TMEM117: variants seen among roughly 807,000 people sequenced by gnomAD.
TMEM117 encodes transmembrane protein 117.
A neutral mutation model predicts 52.4 loss-of-function variants in TMEM117; 27 were observed. The observed-to-expected ratio is 0.51, with a 90% confidence interval of 0.38 to 0.71. TMEM117 has a LOEUF of 0.71. Among genes scored for constraint, TMEM117 ranks in the 30% least tolerant of loss-of-function variants. The pLI, the probability that TMEM117 is intolerant of heterozygous loss-of-function variation, is 0.00. For missense variants in TMEM117, 556 were observed against 630.5 expected (o/e 0.88, Z 1.26); for synonymous variants, 215 against 206.3 (o/e 1.04, Z -0.36).
intron 3 of TMEM117, among the ~76,000 whole-genome samples, chr12:44,038,577 C>T (rs1183379955): frequency 6.6e-6 from 1 of 152,212 alleles, no homozygotes; most frequent in Non-Finnish European, 1.5e-5. Context: ...GTGAGCTGAG[C>T]ACAGTCTGCC....
chr12:44,318,559 G>T (rs927754219), intron 6 of TMEM117, among the ~76,000 whole-genome samples: 1 of 152,146 alleles, frequency 6.6e-6, no homozygotes, highest in African/African-American at 2.4e-5. Context: ...GCATGAAGTG[G>T]AGAGAATCCT....
intron 3 of TMEM117, among the ~76,000 whole-genome samples, chr12:44,014,305 C>T (rs1228203898): frequency 1.3e-5 from 2 of 151,988 alleles, no homozygotes; most frequent in African/African-American, 4.8e-5. Context: ...CCTCAGCAGA[C>T]CTGATGAGGC....
intron 3 of TMEM117, among the ~76,000 whole-genome samples, chr12:44,069,834 T>C (rs147650914): frequency 0.022 from 3,335 of 152,336 alleles, 93 homozygotes; most frequent in African/African-American, 0.062. Flanking sequence ...CTGAAATTGA[T>C]TCAGCCTTTC....
At chr12:43,955,257 ACTC>A (rs1945288790) in intron 3 of TMEM117, among the ~76,000 whole-genome samples, 1 of 152,168 alleles carries the variant, frequency 6.6e-6, no homozygotes, top group Non-Finnish European at 1.5e-5. Flanking sequence ...CTGTCTCACT[ACTC>A]CTATTCAACA....
intron 5 of TMEM117, among the ~76,000 whole-genome samples, chr12:44,241,201 C>T (rs1335454301): frequency 6.6e-6 from 1 of 151,202 alleles, no homozygotes; most frequent in Non-Finnish European, 1.5e-5. Context: ...TTTAGATGTA[C>T]TATTTTTTAT....
chr12:43,898,125 A>G (rs906520549), intron 2 of TMEM117, among the ~76,000 whole-genome samples: 4 of 151,922 alleles, frequency 2.6e-5, no homozygotes, highest in Non-Finnish European at 5.9e-5. Context: ...ACTTATTGGC[A>G]TCTGAAACTT....
intron 3 of TMEM117, among the ~76,000 whole-genome samples, chr12:44,101,006 C>T (rs551276399): frequency 1.3e-4 from 19 of 151,874 alleles, no homozygotes; most frequent in Non-Finnish European, 2.5e-4. Flanking sequence ...CCTGCAGATT[C>T]GGTGCCTGTT....
intron 2 of TMEM117, among the ~76,000 whole-genome samples, chr12:43,904,486 C>G (rs1223299807): frequency 6.6e-6 from 1 of 152,076 alleles, no homozygotes; most frequent in African/African-American, 2.4e-5. Context: ...TCATCAGGCC[C>G]TTTCACAAAG....
At chr12:44,009,085 C>T in intron 3 of TMEM117, 1 of 358,504 alleles carries the variant, frequency 2.8e-6, no homozygotes, top group Non-Finnish European at 5.4e-6. Context: ...TGGTGTTTCC[C>T]ATGAAGACAC....
At chr12:44,164,485 C>A (rs1405599833) in intron 4 of TMEM117, among the ~76,000 whole-genome samples, 1 of 152,138 alleles carries the variant, frequency 6.6e-6, no homozygotes, top group East Asian at 1.9e-4. Flanking sequence ...TGAGTTACTT[C>A]ACTTAGTTTA....
intron 3 of TMEM117, among the ~76,000 whole-genome samples, chr12:43,955,971 A>G (rs1945299578): frequency 6.6e-6 from 1 of 152,158 alleles, no homozygotes; most frequent in South Asian, 2.1e-4. Context: ...AGAATAGAGA[A>G]CTCAGAAATA....
intron 3 of TMEM117, among the ~76,000 whole-genome samples, chr12:44,125,556 T>G (rs1948311155): frequency 6.6e-6 from 1 of 152,196 alleles, no homozygotes; most frequent in East Asian, 1.9e-4. Context: ...GGGTCAGTGG[T>G]GACATTCCCC....
At chr12:44,044,980 A>T (rs780700302) in intron 3 of TMEM117, among the ~76,000 whole-genome samples, 24 of 152,352 alleles carry the variant, frequency 1.6e-4, no homozygotes, top group African/African-American at 5.8e-4. Flanking sequence ...GGGAAGAGAT[A>T]TGTGGATGGA....
At chr12:44,344,413 T>G (rs1316940441) in intron 6 of TMEM117, among the ~76,000 whole-genome samples, 1 of 152,124 alleles carries the variant, frequency 6.6e-6, no homozygotes, top group Non-Finnish European at 1.5e-5. Flanking sequence ...TCTTCATATT[T>G]GTAATACCTT....
At chr12:44,348,863 A>G (rs1951525937) in intron 6 of TMEM117, among the ~76,000 whole-genome samples, 1 of 151,942 alleles carries the variant, frequency 6.6e-6, no homozygotes. Context: ...GTTTTTCTTA[A>G]CAGGTCTTAT....
chr12:44,353,405 T>C (rs1317606589), intron 6 of TMEM117, among the ~76,000 whole-genome samples: 1 of 152,190 alleles, frequency 6.6e-6, no homozygotes, highest in Non-Finnish European at 1.5e-5. Flanking sequence ...GCCTAGGTTT[T>C]CTTGTAGGGT....
chr12:43,891,808 C>A (rs530642924), intron 2 of TMEM117, among the ~76,000 whole-genome samples: 1 of 152,256 alleles, frequency 6.6e-6, no homozygotes, highest in East Asian at 1.9e-4. Flanking sequence ...TTAAAGTAGT[C>A]TGCACTTACT....
chr12:44,114,401 C>T (rs1314563687), intron 3 of TMEM117, among the ~76,000 whole-genome samples: 3 of 152,026 alleles, frequency 2.0e-5, no homozygotes, highest in Non-Finnish European at 4.4e-5. Flanking sequence ...AAGGTGCTCA[C>T]CTCTGCATTT....
In TMEM117 at chr12:44,141,844, T is replaced by C. The variant is rs568931406; in HGVS notation, c.411-1681T>C. Among the ~76,000 whole-genome samples the C allele has an allele frequency of 1.1e-4, 17 of 150,680 alleles. No homozygotes were observed. The South Asian group carries it at 3.1e-3, about 28-fold the overall frequency. Reference sequence around the variant, plus strand: ...TTCAACATGAATTGAAACTCAAGACTTGATGGTTGCTCTGGAGAGCTAAAG... The same window carrying C: ...TTCAACATGAATTGAAACTCAAGACCTGATGGTTGCTCTGGAGAGCTAAAG... On this transcript the variant is annotated intron_variant, in intron 3 of 7. Transcript: ENST00000266534.
Sources: gnomAD v4.1 joint callset for allele counts (sites outside exome capture counted in the v4.1 genomes callset) on GRCh38, gnomAD v4.1.1 for gene constraint, MANE v1.5 for transcripts, NCBI Gene and HGNC (gene_info 2026-07-23, HGNC 2026-07-21) for gene names.